KCNMA1: variants seen among roughly 807,000 people sequenced by gnomAD.
KCNMA1 encodes the protein Calcium-activated potassium channel subunit alpha-1.
In KCNMA1, 29 loss-of-function variants were observed where a neutral mutation model predicts 140.0. That is an observed-to-expected ratio of 0.21 (90% CI 0.15 to 0.28). The LOEUF (loss-of-function observed/expected upper bound fraction) is 0.28, where lower values mean the gene tolerates loss of function less well. Among genes scored for constraint, KCNMA1 ranks in the 10% least tolerant of loss-of-function variants. The probability of loss-of-function intolerance (pLI) is 1.00; values close to 1 mark genes in which losing one functional copy is unlikely to be tolerated. For synonymous variants in KCNMA1, 612 were observed against 611.9 expected, an observed-to-expected ratio of 1.00 and a Z score of 0.00; for missense variants, 880 against 1,602.2, an observed-to-expected ratio of 0.55 and a Z score of 7.70.
intron 1 of KCNMA1, among the ~76,000 whole-genome samples, chr10:77,418,362 A>G (rs1160992328): frequency 6.6e-6 from 1 of 152,170 alleles, no homozygotes; most frequent in African/African-American, 2.4e-5. Context: ...GGCAGCTGTG[A>G]GAACCTTCTT....
rs1336731856 is a variant in KCNMA1 at position 76,887,218 on chromosome 10, G to T, written c.*48C>A. On this transcript the variant is annotated 3_prime_UTR_variant, in exon 28 of 28. Coordinates refer to ENST00000286628, the MANE Select transcript of KCNMA1 (RefSeq NM_001161352.2). Reference sequence around the variant, plus strand: ...TACTTTGTTGGAAACACCAACTGGGGAAATGAGTGGCAGATACAGTTTCAC... The same window carrying T: ...TACTTTGTTGGAAACACCAACTGGGTAAATGAGTGGCAGATACAGTTTCAC... 1.9e-6 allele frequency: 3 copies of T among 1,613,554 alleles called. No homozygotes were observed. The African/African-American group carries it at 4.0e-5, about 22-fold the overall frequency.
chr10:77,504,669 A>G (rs1005387492), intron 1 of KCNMA1, among the ~76,000 whole-genome samples: 1 of 152,058 alleles, frequency 6.6e-6, no homozygotes, highest in African/African-American at 2.4e-5. Context: ...AGCTCATTGC[A>G]CTATGATGCA....
intron 1 of KCNMA1, among the ~76,000 whole-genome samples, chr10:77,415,779 G>A (rs3902277): frequency 0.11 from 16,573 of 152,216 alleles, 1,349 homozygotes; most frequent in East Asian, 0.3. Context: ...CATGGCCACA[G>A]GGCAGTGCTG....
At chr10:77,433,947 G>A (rs2097203093) in intron 1 of KCNMA1, among the ~76,000 whole-genome samples, 1 of 152,182 alleles carries the variant, frequency 6.6e-6, no homozygotes, top group Admixed American at 6.5e-5. Flanking sequence ...CGCCACAAGG[G>A]TAACTGCAAT....
intron 1 of KCNMA1, among the ~76,000 whole-genome samples, chr10:77,525,192 G>T (rs1042100079): frequency 2.0e-5 from 3 of 152,162 alleles, no homozygotes. Flanking sequence ...AATTCCATAT[G>T]GATTTATGGA....
chr10:77,632,270 G>A (rs956975716), intron 1 of KCNMA1, among the ~76,000 whole-genome samples: 1 of 152,176 alleles, frequency 6.6e-6, no homozygotes, highest in Non-Finnish European at 1.5e-5. Context: ...CTGGCCTAGG[G>A]GGTGTCTTGG....
At chr10:76,878,912 A>G (rs1177529077) in intron 29 of KCNMA1, among the ~76,000 whole-genome samples, 9 of 152,316 alleles carry the variant, frequency 5.9e-5, no homozygotes, top group Non-Finnish European at 2.9e-5. Context: ...CATATGCCTC[A>G]CTTTAGTGGC....
chr10:76,974,234 G>A, intron 19 of KCNMA1: 1 of 450,162 alleles, frequency 2.2e-6, no homozygotes, highest in Non-Finnish European at 4.0e-6. Context: ...TGAACACAAA[G>A]GCATCTAGCT....
chr10:76,929,387 T>G (rs1007412003), intron 23 of KCNMA1, among the ~76,000 whole-genome samples: 5 of 152,188 alleles, frequency 3.3e-5, no homozygotes, highest in Non-Finnish European at 7.3e-5. Flanking sequence ...CCTTGACCTC[T>G]CAAATGGACA....
At chr10:77,596,858 C>G (rs2081091479) in intron 1 of KCNMA1, among the ~76,000 whole-genome samples, 1 of 152,220 alleles carries the variant, frequency 6.6e-6, no homozygotes, top group Admixed American at 6.5e-5. Flanking sequence ...GGCCACACAC[C>G]TTCCCACGGG....
rs1048190928 is a variant in KCNMA1 at position 77,616,434 on chromosome 10, C to T, written c.378+20831G>A. On this transcript the variant is annotated intron_variant, in intron 1 of 27. Coordinates refer to ENST00000286628, the MANE Select transcript of KCNMA1 (RefSeq NM_001161352.2). ...CTTGGTTTGTAGCAAGTGCTACCCT[C>T]AGCATTTAACACATGATCCTCCCAA... Among the ~76,000 whole-genome samples the T allele has an allele frequency of 2.0e-5, 3 of 152,234 alleles. 1 individual carries two copies. The highest frequency in any genetic ancestry group is 4.4e-5 in the Non-Finnish European group (3 of 68,050).
chr10:77,514,080 G>A (rs1045642663), intron 1 of KCNMA1, among the ~76,000 whole-genome samples: 48 of 152,338 alleles, frequency 3.2e-4, no homozygotes, highest in African/African-American at 1.1e-3. Context: ...CAATTTGCCC[G>A]CCTGGCACCT....
intron 2 of KCNMA1, among the ~76,000 whole-genome samples, chr10:77,391,336 C>A (rs930419629): frequency 3.3e-5 from 5 of 152,170 alleles, no homozygotes; most frequent in Admixed American, 3.3e-4. Context: ...CACAGAGGAC[C>A]CTGGCTTCCC....
At chr10:77,555,904 T>C (rs1258184794) in intron 1 of KCNMA1, among the ~76,000 whole-genome samples, 1 of 152,144 alleles carries the variant, frequency 6.6e-6, no homozygotes. Context: ...GGATGAACTG[T>C]TACATCTTTG....
At chr10:76,895,976 G>C (rs190501157) in intron 25 of KCNMA1, among the ~76,000 whole-genome samples, 132 of 152,326 alleles carry the variant, frequency 8.7e-4, no homozygotes, top group African/African-American at 3.0e-3. Flanking sequence ...CACAAGGTCA[G>C]GGCAAAACTA....
chr10:76,888,528 C>T (rs978278620), intron 27 of KCNMA1, among the ~76,000 whole-genome samples: 1 of 152,044 alleles, frequency 6.6e-6, no homozygotes, highest in African/African-American at 2.4e-5. Flanking sequence ...GCACTGTTGC[C>T]TAGGGTATAT....
intron 20 of KCNMA1, among the ~76,000 whole-genome samples, chr10:76,956,426 C>T (rs1228380186): frequency 6.6e-6 from 1 of 152,080 alleles, no homozygotes; most frequent in Admixed American, 6.5e-5. Context: ...TGGCCTGGAC[C>T]ATTTAAATAT....
At chr10:77,364,748 T>C (rs998479924) in intron 2 of KCNMA1, among the ~76,000 whole-genome samples, 1 of 152,060 alleles carries the variant, frequency 6.6e-6, no homozygotes, top group Non-Finnish European at 1.5e-5. Context: ...ACTGCCTTGG[T>C]CCCCAGCCCC....
chr10:76,990,686 T>C (rs1471500911), intron 19 of KCNMA1, among the ~76,000 whole-genome samples: 1 of 152,190 alleles, frequency 6.6e-6, no homozygotes, highest in Non-Finnish European at 1.5e-5. Context: ...CTCAGTAACA[T>C]CTGTTTAGGG....
Sources: gnomAD v4.1 joint callset for allele counts (sites outside exome capture counted in the v4.1 genomes callset) on GRCh38, gnomAD v4.1.1 for gene constraint, MANE v1.5 for transcripts, NCBI Gene and HGNC (gene_info 2026-07-23, HGNC 2026-07-21) for gene names.